SIPA1L1: variants seen among roughly 807,000 people sequenced by gnomAD.
SIPA1L1 encodes the protein signal-induced proliferation-associated 1-like protein 1.
SIPA1L1 carries 26 observed loss-of-function variants against 162.7 expected under a neutral mutation model. That is an observed-to-expected ratio of 0.16 (90% confidence interval 0.12 to 0.22). The LOEUF (loss-of-function observed/expected upper bound fraction) is 0.22, where lower values mean the gene tolerates loss of function less well. SIPA1L1 is among the 10% of genes least tolerant of loss of function. The pLI is 1.00. For synonymous variants in SIPA1L1, 829 were observed against 837.4 expected (o/e 0.99, Z 0.17); for missense variants, 1,874 against 2,241.0 (o/e 0.84, Z 3.31).
intron 4 of SIPA1L1, among the ~76,000 whole-genome samples, chr14:71,543,561 A>C (rs766935005): frequency 1.3e-5 from 2 of 152,178 alleles, no homozygotes; most frequent in African/African-American, 4.8e-5. Flanking sequence ...TGGTATTATC[A>C]GTTTTTAAAT....
intron 8 of SIPA1L1, among the ~76,000 whole-genome samples, chr14:71,652,376 C>T (rs2042695598): frequency 6.6e-6 from 1 of 152,130 alleles, no homozygotes; most frequent in African/African-American, 2.4e-5. Context: ...CTTAATCTAA[C>T]TTTATGTTGT....
At chr14:71,600,098 C>T (rs924025878) in intron 5 of SIPA1L1, among the ~76,000 whole-genome samples, 2 of 152,132 alleles carry the variant, frequency 1.3e-5, no homozygotes, top group Admixed American at 1.3e-4. Flanking sequence ...TTATGCTGTA[C>T]AAAAGCTTTT....
At chr14:71,676,818 A>T (rs1055157950) in intron 12 of SIPA1L1, among the ~76,000 whole-genome samples, 1 of 151,688 alleles carries the variant, frequency 6.6e-6, no homozygotes, top group Non-Finnish European at 1.5e-5. Flanking sequence ...ATCCTTTTTT[A>T]CGGCTGCATA....
chr14:71,393,220 A>C (rs547036454), intron 2 of SIPA1L1, among the ~76,000 whole-genome samples: 14 of 152,296 alleles, frequency 9.2e-5, no homozygotes, highest in Non-Finnish European at 2.1e-4. Context: ...TACTCCTTAA[A>C]AATTGTCAAG....
chr14:71,592,923 T>A (rs139751052), intron 5 of SIPA1L1, among the ~76,000 whole-genome samples: 1 of 152,306 alleles, frequency 6.6e-6, no homozygotes, highest in African/African-American at 2.4e-5. Flanking sequence ...CCACTTCTCT[T>A]TGCCATTTTG....
intron 2 of SIPA1L1, among the ~76,000 whole-genome samples, chr14:71,446,217 C>T (rs2045331085): frequency 6.6e-6 from 1 of 151,976 alleles, no homozygotes; most frequent in Non-Finnish European, 1.5e-5. Flanking sequence ...CTGATTTTAG[C>T]TAATTCAGAA....
chr14:71,640,285 A>G (rs1183643894), intron 7 of SIPA1L1, among the ~76,000 whole-genome samples: 1 of 152,214 alleles, frequency 6.6e-6, no homozygotes, highest in African/African-American at 2.4e-5. Flanking sequence ...TTTTTTTGAG[A>G]AAAACATAGG....
intron 2 of SIPA1L1, among the ~76,000 whole-genome samples, chr14:71,440,235 C>T (rs2044729626): frequency 6.6e-6 from 1 of 152,034 alleles, no homozygotes; most frequent in Admixed American, 6.6e-5. Context: ...CCATGTTGCC[C>T]AGGCTGGTCT....
chr14:71,577,692 T>C (rs1000921614), intron 4 of SIPA1L1, among the ~76,000 whole-genome samples: 6 of 150,846 alleles, frequency 4.0e-5, no homozygotes, highest in African/African-American at 9.8e-5. Flanking sequence ...CTTTGTGTTA[T>C]ACACAATTTG....
At chr14:71,570,261 CTTTATTTA>C (rs573139905) in intron 4 of SIPA1L1, among the ~76,000 whole-genome samples, 300 of 151,594 alleles carry the variant, frequency 2.0e-3, no homozygotes, top group Non-Finnish European at 3.2e-3. Context: ...ATCCATTTAT[CTTTATTTA>C]TTTATTTATT....
chr14:71,648,728 A>C (rs2042379301), intron 7 of SIPA1L1, among the ~76,000 whole-genome samples: 1 of 152,230 alleles, frequency 6.6e-6, no homozygotes, highest in Non-Finnish European at 1.5e-5. Context: ...TTTGCTGCCA[A>C]ATATGTTTGC....
intron 4 of SIPA1L1, among the ~76,000 whole-genome samples, chr14:71,564,732 G>T (rs139904424): frequency 6.6e-6 from 1 of 151,818 alleles, no homozygotes; most frequent in African/African-American, 2.4e-5. Context: ...CTTGTGATCC[G>T]CCCGCCTTGG....
chr14:71,722,377 T>C (rs2083823598), intron 17 of SIPA1L1, among the ~76,000 whole-genome samples: 1 of 152,236 alleles, frequency 6.6e-6, no homozygotes, highest in South Asian at 2.1e-4. Flanking sequence ...GAGTCTGTAC[T>C]TTATTTAGGT....
At chr14:71,498,260 C>T (rs2049943142) in intron 2 of SIPA1L1, among the ~76,000 whole-genome samples, 1 of 152,158 alleles carries the variant, frequency 6.6e-6, no homozygotes, top group South Asian at 2.1e-4. Flanking sequence ...CTGTAATTTT[C>T]ATATGGGTTT....
At chr14:71,708,493 T>A (rs1365594011) in intron 16 of SIPA1L1, among the ~76,000 whole-genome samples, 1 of 152,048 alleles carries the variant, frequency 6.6e-6, no homozygotes, top group Non-Finnish European at 1.5e-5. Context: ...CCTGGCTAAT[T>A]TTTGTATTTT....
chr14:71,732,881 G>A (rs2084929438), intron 20 of SIPA1L1, among the ~76,000 whole-genome samples: 1 of 152,168 alleles, frequency 6.6e-6, no homozygotes, highest in African/African-American at 2.4e-5. Context: ...GGCAGGCATG[G>A]GCCTTCTGTC....
rs571548777 is a variant in SIPA1L1, at chr14:71,414,426, T to G, written c.-465+93245T>G. On this transcript the variant is annotated intron_variant, in intron 2 of 23. Coordinates refer to ENST00000381232, the MANE Select transcript of SIPA1L1 (RefSeq NM_001386936.1). ...AACAAAAACAAAAAACCCTGCTCTTTATAGCAGAATTTTGATTTATCAAAT... is the reference window on the plus strand; with the variant it reads ...AACAAAAACAAAAAACCCTGCTCTTGATAGCAGAATTTTGATTTATCAAAT... Among the ~76,000 whole-genome samples, 58 of 152,294 alleles carry G rather than the reference T, an allele frequency of 3.8e-4. 1 individual carries two copies. The East Asian group carries it at 0.011, about 28-fold the overall frequency.
intron 2 of SIPA1L1, among the ~76,000 whole-genome samples, chr14:71,423,753 C>T (rs1423194534): frequency 6.6e-6 from 1 of 152,124 alleles, no homozygotes; most frequent in Non-Finnish European, 1.5e-5. Flanking sequence ...ATGAGTCTTC[C>T]TGCTTTGTTC....
intron 2 of SIPA1L1, among the ~76,000 whole-genome samples, chr14:71,481,192 G>GTCCA (rs1370899293): frequency 8.5e-5 from 13 of 152,112 alleles, no homozygotes; most frequent in Admixed American, 7.9e-4. Context: ...ATATAGGGAA[G>GTCCA]TCCAGGCTGG....
Sources: allele counts gnomAD v4.1 joint callset (sites outside exome capture counted in the v4.1 genomes callset), GRCh38; gene constraint gnomAD v4.1.1; transcripts MANE v1.5; gene names NCBI Gene and HGNC (gene_info 2026-07-23, HGNC 2026-07-21).